THSD7B: variants seen among roughly 807,000 people sequenced by gnomAD.
THSD7B encodes the protein thrombospondin type-1 domain-containing protein 7B.
A neutral mutation model predicts 213.6 loss-of-function variants in THSD7B; 138 were observed. The ratio of observed to expected loss-of-function variants is 0.65; its 90% confidence interval spans 0.56 to 0.74. The LOEUF is 0.74. Ranked by LOEUF, THSD7B falls within the 30% of genes least tolerant of loss-of-function variation. The pLI is 0.00. For missense variants in THSD7B, 1,931 were observed against 1,991.5 expected (o/e 0.97, Z 0.58); for synonymous variants, 742 against 687.0 (o/e 1.08, Z -1.25).
At chr2:137,334,860 A>G (rs1487126669) in intron 12 of THSD7B, among the ~76,000 whole-genome samples, 1 of 152,162 alleles carries the variant, frequency 6.6e-6, no homozygotes, top group East Asian at 1.9e-4. Flanking sequence ...TAATTGTCTT[A>G]TGGGAGCAGT....
rs371793856 is a variant in THSD7B at position 137,591,512 on chromosome 2, T to C, written c.3423+18956T>C. Reference sequence around the variant, plus strand: ...CATATTATTTAAGCTTTTTTACTTATTAATTTCTGTTTGCTTCAAAAATGT... The same window carrying C: ...CATATTATTTAAGCTTTTTTACTTACTAATTTCTGTTTGCTTCAAAAATGT... On this transcript the variant is annotated intron_variant, in intron 17 of 27. Transcript: ENST00000409968. Among the ~76,000 whole-genome samples the C allele has an allele frequency of 1.2e-4, 19 of 152,090 alleles. No homozygotes were observed. In the South Asian group the frequency reaches 3.9e-3, roughly 32 times the overall value.
intron 1 of THSD7B, among the ~76,000 whole-genome samples, chr2:136,832,224 A>G (rs1682769443): frequency 6.7e-6 from 1 of 149,886 alleles, no homozygotes; most frequent in South Asian, 2.1e-4. Flanking sequence ...CATATATACA[A>G]TTGTGTGAGA....
chr2:137,667,326 C>T (rs1683469407), intron 26 of THSD7B, among the ~76,000 whole-genome samples: 1 of 151,648 alleles, frequency 6.6e-6, no homozygotes, highest in South Asian at 2.1e-4. Flanking sequence ...TTATGACTGA[C>T]TTATGCGTGT....
chr2:137,525,615 C>T (rs528174343), intron 15 of THSD7B, among the ~76,000 whole-genome samples: 2 of 152,218 alleles, frequency 1.3e-5, no homozygotes, highest in African/African-American at 4.8e-5. Context: ...ATGTGAGCCA[C>T]ATTTTGAACA....
chr2:136,946,678 G>A (rs143866305), intron 2 of THSD7B, among the ~76,000 whole-genome samples: 4,580 of 152,270 alleles, frequency 0.03, 121 homozygotes, highest in Non-Finnish European at 0.054. Flanking sequence ...ATCTACTCAA[G>A]CCTCAGCAAT....
At chr2:137,280,933 G>T (rs1682993078) in intron 12 of THSD7B, among the ~76,000 whole-genome samples, 1 of 152,030 alleles carries the variant, frequency 6.6e-6, no homozygotes, top group Admixed American at 6.6e-5. Context: ...TGACTTAATG[G>T]ACTTTCCAGT....
chr2:137,595,755 A>G (rs906513679), intron 17 of THSD7B, among the ~76,000 whole-genome samples: 1 of 151,982 alleles, frequency 6.6e-6, no homozygotes, highest in Admixed American at 6.6e-5. Flanking sequence ...CAATAAATGT[A>G]TATACACATA....
chr2:136,859,099 C>T (rs1683220739), intron 1 of THSD7B, among the ~76,000 whole-genome samples: 1 of 152,170 alleles, frequency 6.6e-6, no homozygotes, highest in Admixed American at 6.5e-5. Flanking sequence ...TTAGTAGTGT[C>T]TTACTGTTGG....
chr2:136,934,502 T>C (rs112248479), intron 2 of THSD7B, among the ~76,000 whole-genome samples: 19 of 152,218 alleles, frequency 1.2e-4, no homozygotes, highest in African/African-American at 4.6e-4. Flanking sequence ...ATAACTTCAC[T>C]GCATTATCAT....
At chr2:136,997,950 G>A (rs1005034446) in intron 2 of THSD7B, among the ~76,000 whole-genome samples, 6 of 152,066 alleles carry the variant, frequency 3.9e-5, no homozygotes, top group Non-Finnish European at 4.4e-5. Context: ...CAAAGGTAAG[G>A]CAGAGTGAGC....
intron 5 of THSD7B, among the ~76,000 whole-genome samples, chr2:137,150,040 G>A (rs1469352202): frequency 1.3e-5 from 2 of 152,012 alleles, no homozygotes; most frequent in African/African-American, 2.4e-5. Flanking sequence ...TCAGGAGTTC[G>A]AGACCAGCCT....
chr2:137,363,306 C>G (rs1685317098), intron 12 of THSD7B, among the ~76,000 whole-genome samples: 1 of 152,060 alleles, frequency 6.6e-6, no homozygotes, highest in African/African-American at 2.4e-5. Context: ...AATCGACACC[C>G]TAACATCACA....
chr2:136,808,974 T>A (rs2558112), intron 1 of THSD7B, among the ~76,000 whole-genome samples: 73,120 of 152,072 alleles, frequency 0.48, 19,092 homozygotes, highest in African/African-American at 0.69. Flanking sequence ...CTAGTTTCAG[T>A]TACTCACTTG....
At chr2:137,604,974 G>T (rs1682144525) in intron 17 of THSD7B, among the ~76,000 whole-genome samples, 2 of 152,020 alleles carry the variant, frequency 1.3e-5, no homozygotes, top group South Asian at 4.1e-4. Context: ...AAAAATAATA[G>T]AATATAATAA....
intron 15 of THSD7B, among the ~76,000 whole-genome samples, chr2:137,509,277 CCTTT>C (rs1679908877): frequency 1.3e-5 from 2 of 149,798 alleles, no homozygotes; most frequent in African/African-American, 4.9e-5. Context: ...TTCCTTCCTT[CCTTT>C]CTTCCTTCCC....
rs370931037 is a variant in THSD7B at position 137,616,104 on chromosome 2, T to C, written c.3424-71T>C. The C allele has an allele frequency of 1.8e-5, 27 of 1,517,564 alleles. No homozygotes were observed. The African/African-American group carries it at 3.6e-4, about 20-fold the overall frequency. The allele number at this position is 1,517,564 out of a possible 1,614,324, so 94.0% of individuals were successfully genotyped here. On this transcript the variant is annotated intron_variant, in intron 17 of 27. Transcript: ENST00000409968. ...ATATTGTTACATATGTGCCTACTTA[T>C]ACCTGTATATCTTATATAATTTATC...
chr2:137,237,445 G>A (rs906630850), intron 9 of THSD7B, among the ~76,000 whole-genome samples: 2 of 152,190 alleles, frequency 1.3e-5, no homozygotes, highest in African/African-American at 4.8e-5. Flanking sequence ...TGATAGCACA[G>A]AATACTATTC....
intron 12 of THSD7B, among the ~76,000 whole-genome samples, chr2:137,320,707 G>T (rs1300039986): frequency 6.6e-6 from 1 of 152,200 alleles, no homozygotes; most frequent in Non-Finnish European, 1.5e-5. Context: ...GCTTACAAAG[G>T]TGGAATGGAA....
At chr2:137,313,000 A>G (rs865840726) in intron 12 of THSD7B, among the ~76,000 whole-genome samples, 84 of 149,158 alleles carry the variant, frequency 5.6e-4, no homozygotes, top group African/African-American at 2.0e-3. Flanking sequence ...TGGGGTGGAG[A>G]GTTCTGTAGA....
Sources: allele counts gnomAD v4.1 joint callset (sites outside exome capture counted in the v4.1 genomes callset), GRCh38; gene constraint gnomAD v4.1.1; transcripts MANE v1.5; gene names NCBI Gene and HGNC (gene_info 2026-07-23, HGNC 2026-07-21).